The following MBTPS2 variants were observed in gnomAD, a reference collection of about 807,000 sequenced individuals.
MBTPS2 encodes membrane-bound transcription factor site-2 protease.
In MBTPS2, 2 loss-of-function variants were observed where a neutral mutation model predicts 35.4. That is an observed-to-expected ratio of 0.06 (90% CI 0.02 to 0.18). The LOEUF (loss-of-function observed/expected upper bound fraction) is 0.18, where lower values mean the gene tolerates loss of function less well. Ranked by LOEUF, MBTPS2 falls within the 10% of genes least tolerant of loss-of-function variation. The probability of loss-of-function intolerance (pLI) is 1.00; values close to 1 mark genes in which losing one functional copy is unlikely to be tolerated. For missense variants in MBTPS2, 244 were observed against 386.5 expected (o/e 0.63, Z 3.09); for synonymous variants, 125 against 140.4 (o/e 0.89, Z 0.77).
chrX:21,876,055 G>A (rs186566537), intron 7 of MBTPS2, among the ~76,000 whole-genome samples: 45 of 111,899 alleles, frequency 4.0e-4, no homozygotes, highest in Admixed American at 3.9e-3. Context: ...AAATCCATGG[G>A]ACTTGGCAAT....
chrX:21,862,917 A>C (rs868531771), intron 5 of MBTPS2, among the ~76,000 whole-genome samples: 1 of 49,236 alleles, frequency 2.0e-5, no homozygotes, highest in Admixed American at 3.1e-4. Flanking sequence ...TAAATATATA[A>C]ACATATATAT....
chrX:21,861,107 A>G (rs1375834705), intron 5 of MBTPS2, among the ~76,000 whole-genome samples: 1 of 112,338 alleles, frequency 8.9e-6, no homozygotes, highest in East Asian at 2.8e-4. Context: ...AACTCAATCA[A>G]AAAATGGCAA....
intron 10 of MBTPS2, 131 bp downstream of exon 10, chrX:21,881,103 T>C (rs891976265): frequency 2.7e-5 from 14 of 520,242 alleles, no homozygotes; most frequent in Non-Finnish European, 4.1e-5. Flanking sequence ...AAAAAGAGTC[T>C]TGAAAGATGA....
At chrX:21,841,723 G>A (rs1259439196) in intron 1 of MBTPS2, 1 of 112,250 alleles carries the variant, frequency 8.9e-6, no homozygotes, top group Non-Finnish European at 1.9e-5. Context: ...TGTGTGAGGT[G>A]ACCAAGATGT....
At chrX:21,868,204 T>C (rs1307986858) in intron 5 of MBTPS2, among the ~76,000 whole-genome samples, 1 of 111,758 alleles carries the variant, frequency 8.9e-6, no homozygotes, top group African/African-American at 3.3e-5. Flanking sequence ...GTGGAAGATA[T>C]TAGTTCTATC....
Position 21,856,594 on chromosome X carries a change from C to G in MBTPS2, c.670+3091C>G, listed in dbSNP as rs368476377. On this transcript the variant is annotated intron_variant, in intron 5 of 10. Coordinates refer to ENST00000379484, the MANE Select transcript of MBTPS2 (RefSeq NM_015884.4). ...CCCCTTCCTATGGAGGACATTCCGA[C>G]GGAAAGCGTCCAGTACGAGGATGTG... The G allele has an allele frequency of 6.6e-6, 8 of 1,210,453 alleles. No individual in the cohort carries two copies. In the African/African-American group the frequency reaches 8.7e-5, roughly 13 times the overall value.
At chrX:21,864,505 T>C (rs1227598936) in intron 5 of MBTPS2, among the ~76,000 whole-genome samples, 1 of 111,838 alleles carries the variant, frequency 8.9e-6, no homozygotes, top group Admixed American at 9.4e-5. Context: ...ATAAATCTAG[T>C]TTTATAATGC....
chrX:21,881,212 A>G (rs1569329474), intron 10 of MBTPS2, among the ~76,000 whole-genome samples: 1 of 112,288 alleles, frequency 8.9e-6, no homozygotes. Context: ...CCAGAATACA[A>G]ATTGAGAATT....
At chrX:21,862,728 G>A (rs929187201) in intron 5 of MBTPS2, among the ~76,000 whole-genome samples, 8 of 103,122 alleles carry the variant, frequency 7.8e-5, no homozygotes, top group East Asian at 3.2e-4. Context: ...GGAGAATGGC[G>A]TGAACCCGGG....
Position 21,880,983 on chromosome X carries a change from T to C in MBTPS2, c.1337+11T>C. On this transcript the variant is annotated intron_variant, in intron 10 of 10. Transcript: ENST00000379484. Reference sequence around the variant, plus strand: ...GGAGACATTTGTCAAGTATCCTTTCTGGTGTGAAACATGTTTTAAAAGTGT... The same window carrying C: ...GGAGACATTTGTCAAGTATCCTTTCCGGTGTGAAACATGTTTTAAAAGTGT... The C allele has an allele frequency of 8.7e-7, 1 of 1,155,909 alleles. No individual in the cohort carries two copies. Among genetic ancestry groups the C allele is most frequent in the Non-Finnish European group, 1.2e-6 (1 of 844,290 alleles).
chrX:21,862,917 AACATATATATATAAACATATATAT>A (rs1269590144), intron 5 of MBTPS2, among the ~76,000 whole-genome samples: 2 of 49,236 alleles, frequency 4.1e-5, no homozygotes, highest in Non-Finnish European at 8.0e-5. Context: ...TAAATATATA[AACATATATATATAAACATATATAT>A]ATATATATAT....
At chrX:21,878,997 T>A (rs759652088) in intron 9 of MBTPS2, among the ~76,000 whole-genome samples, 1 of 111,194 alleles carries the variant, frequency 9.0e-6, no homozygotes, top group Non-Finnish European at 1.9e-5. Flanking sequence ...GTTTATTAAA[T>A]TTATACAAGC....
At chrX:21,853,339 G>A in intron 4 of MBTPS2, 37 bp from the exon 5 acceptor site, 1 of 1,035,664 alleles carries the variant, frequency 9.7e-7, no homozygotes, top group Non-Finnish European at 1.4e-6. Context: ...AAATATAATA[G>A]TATTAGTAAA....
At position 21,854,938 on chromosome X, in the gene MBTPS2, A is replaced by G. The variant is rs1442746335; in HGVS notation, c.670+1435A>G. 5.3e-5 allele frequency among the ~76,000 whole-genome samples: 6 copies of G among 112,171 alleles called. No individual in the cohort carries two copies. The Admixed American group carries it at 5.7e-4, about 11-fold the overall frequency. On this transcript the variant is annotated intron_variant, in intron 5 of 10. Coordinates refer to ENST00000379484, the MANE Select transcript of MBTPS2 (RefSeq NM_015884.4). ...TAATTCAAACCTGTGATTTCAGTAG[A>G]TCTAAAAATTATGATGATGAAATCA...
chrX:21,861,461 A>G (rs2092931220), intron 5 of MBTPS2, among the ~76,000 whole-genome samples: 1 of 112,123 alleles, frequency 8.9e-6, no homozygotes, highest in African/African-American at 3.2e-5. Context: ...ATAAGTTGAT[A>G]TGTTAATAAA....
chrX:21,839,661 G>A lies in MBTPS2; in HGVS notation c.-74G>A, dbSNP rs989279454. On this transcript the variant is annotated 5_prime_UTR_variant, in exon 1 of 11. Transcript: ENST00000379484. ...AGCGGATGCTGGGGCTGTAAGGCGC[G>A]CGCGGTCAGCTGTTGGCGGTGCAGG... 4.3e-5 allele frequency: 45 copies of A among 1,054,417 alleles called. No individual in the cohort carries two copies. Among genetic ancestry groups the A allele is most frequent in the Non-Finnish European group, 5.2e-5 (40 of 771,915 alleles). The allele number at this position is 1,054,417 out of a possible 1,213,427, so 86.9% of individuals were successfully genotyped here.
intron 7 of MBTPS2, chrX:21,870,383 G>A (rs1321227402): frequency 2.7e-5 from 3 of 111,044 alleles, no homozygotes; most frequent in East Asian, 2.8e-4. Flanking sequence ...AATAAGAACC[G>A]GTTCTACTTT....
intron 5 of MBTPS2, among the ~76,000 whole-genome samples, chrX:21,858,888 CAAAAA>C (rs5901684): frequency 3.2e-5 from 2 of 61,894 alleles, no homozygotes; most frequent in African/African-American, 6.3e-5. Flanking sequence ...GACCTTGTGT[CAAAAA>C]AAAAAAAAAA....
chrX:21,885,276 A>G lies in MBTPS2; in HGVS notation c.*2621A>G, dbSNP rs2092963527. 2 of 752,180 alleles carry G rather than the reference A, an allele frequency of 2.7e-6. No individual in the cohort carries two copies. The highest frequency in any genetic ancestry group is 3.0e-4 in the East Asian group (2 of 6,652). 62.0% of individuals were successfully genotyped at this position (752,180 alleles called of 1,213,427 possible). ...GTCCTATGGTATTTATTGAATGTTC[A>G]CATACTAATGGTGCACAGGTGTTTT... On this transcript the variant is annotated 3_prime_UTR_variant, in exon 11 of 11. Coordinates refer to ENST00000379484, the MANE Select transcript of MBTPS2 (RefSeq NM_015884.4).
Sources: allele counts gnomAD v4.1 joint callset (sites outside exome capture counted in the v4.1 genomes callset), GRCh38; gene constraint gnomAD v4.1.1; transcripts MANE v1.5; gene names NCBI Gene and HGNC (gene_info 2026-07-23, HGNC 2026-07-21).